The following DPF3 variants were observed in gnomAD, a reference collection of about 807,000 sequenced individuals.
The protein encoded by DPF3 is double PHD fingers 3.
Under a neutral mutation model 56.8 loss-of-function variants are expected in DPF3, and 18 were observed. The observed-to-expected ratio is 0.32, with a 90% CI of 0.22 to 0.47. The LOEUF (loss-of-function observed/expected upper bound fraction) is 0.47, where lower values mean the gene tolerates loss of function less well. Among genes scored for constraint, DPF3 ranks in the 20% least tolerant of loss-of-function variants. The probability of loss-of-function intolerance (pLI) is 1.00; values close to 1 mark genes in which losing one functional copy is unlikely to be tolerated. For synonymous variants in DPF3, 188 were observed against 180.2 expected, an observed-to-expected ratio of 1.04 and a Z score of -0.35; for missense variants, 403 against 488.8, an observed-to-expected ratio of 0.82 and a Z score of 1.65.
chr14:72,855,051 A>G (rs2140089186), intron 1 of DPF3, among the ~76,000 whole-genome samples: 1 of 152,336 alleles, frequency 6.6e-6, no homozygotes, highest in South Asian at 2.1e-4. Context: ...ATAGGACTTG[A>G]AAGAAAGAAT....
intron 1 of DPF3, among the ~76,000 whole-genome samples, chr14:72,819,654 G>T (rs1883443447): frequency 6.6e-6 from 1 of 152,158 alleles, no homozygotes; most frequent in Admixed American, 6.5e-5. Flanking sequence ...AGTAGATAGT[G>T]GTCAGGCATG....
At chr14:72,661,204 G>A in intron 8 of DPF3, 1 of 985,046 alleles carries the variant, frequency 1.0e-6, no homozygotes, top group Non-Finnish European at 1.2e-6. Context: ...TTTTGACAAG[G>A]GACATTTTCT....
chr14:72,730,570 A>G (rs1462165150), intron 4 of DPF3, among the ~76,000 whole-genome samples: 1 of 152,126 alleles, frequency 6.6e-6, no homozygotes, highest in Non-Finnish European at 1.5e-5. Flanking sequence ...GGCCCTGGCT[A>G]TCGATGGAAC....
chr14:72,839,060 A>G (rs1297029444), intron 1 of DPF3, among the ~76,000 whole-genome samples: 1 of 151,080 alleles, frequency 6.6e-6, no homozygotes, highest in East Asian at 2.0e-4. Flanking sequence ...AGCTGGGATT[A>G]CAGGAGCACG....
chr14:72,720,238 A>T (rs1889109399), intron 5 of DPF3, among the ~76,000 whole-genome samples: 1 of 152,158 alleles, frequency 6.6e-6, no homozygotes, highest in South Asian at 2.1e-4. Context: ...CATGCCTGTA[A>T]TCCCAGCACT....
chr14:72,789,262 CACA>C (rs1892332349), intron 1 of DPF3, among the ~76,000 whole-genome samples: 2 of 152,138 alleles, frequency 1.3e-5, no homozygotes, highest in African/African-American at 4.8e-5. Context: ...ATTTCATCTC[CACA>C]ACAACCCTAT....
chr14:72,667,463 TGA>T (rs1343040888), intron 8 of DPF3, among the ~76,000 whole-genome samples: 2 of 152,232 alleles, frequency 1.3e-5, no homozygotes, highest in East Asian at 3.9e-4. Context: ...GGTACTTTAC[TGA>T]GCTGAGGGCA....
At chr14:72,622,270 A>G (rs541407586) in intron 9 of DPF3, among the ~76,000 whole-genome samples, 2 of 152,344 alleles carry the variant, frequency 1.3e-5, no homozygotes, top group South Asian at 4.1e-4. Context: ...GAAGAAGTAC[A>G]CTTGGGGTAC....
chr14:72,795,289 AAAAAAAAT>A (rs1567235179), intron 1 of DPF3, among the ~76,000 whole-genome samples: 3 of 119,296 alleles, frequency 2.5e-5, no homozygotes, highest in Admixed American at 8.4e-5. Context: ...AAAAAAAAAA[AAAAAAAAT>A]ATATATATAT....
rs570614668 is a variant in DPF3, at chr14:72,891,516, C to T, written c.32+2541G>A. 4.6e-5 allele frequency among the ~76,000 whole-genome samples: 7 copies of T among 152,066 alleles called. No homozygotes were observed. The South Asian group carries it at 1.5e-3, about 32-fold the overall frequency. On this transcript the variant is annotated intron_variant, in intron 1 of 10. Transcript: ENST00000556509. ...CTCTGCACTTTGTTCTAATTTATCC[C>T]ATGCATAATTTATTCACGTGTGTAT...
At chr14:72,893,018 AGGAAGGAT>A (rs1227379791) in intron 1 of DPF3, among the ~76,000 whole-genome samples, 24 of 116,606 alleles carry the variant, frequency 2.1e-4, no homozygotes, top group East Asian at 2.8e-4. Context: ...GAAGGAAGGA[AGGAAGGAT>A]GAAAAGGAGG....
chr14:72,763,663 C>A (rs1223715083), intron 2 of DPF3, among the ~76,000 whole-genome samples: 1 of 152,016 alleles, frequency 6.6e-6, no homozygotes, highest in Admixed American at 6.6e-5. Flanking sequence ...GAAACCCTGA[C>A]CTTGCATTAG....
chr14:72,836,408 C>T (rs1884296561), intron 1 of DPF3: 2 of 985,436 alleles, frequency 2.0e-6, no homozygotes, highest in Non-Finnish European at 2.4e-6. Context: ...TGGCCTACTC[C>T]AGCCACTGGA....
intron 8 of DPF3, 110 bp downstream of exon 8, chr14:72,674,130 T>C: frequency 1.4e-6 from 2 of 1,409,982 alleles, no homozygotes; most frequent in Non-Finnish European, 1.9e-6. Context: ...CTCGAAAGCA[T>C]TGCCACCATC....
chr14:72,663,418 G>A (rs894562818), intron 8 of DPF3, among the ~76,000 whole-genome samples: 20 of 151,894 alleles, frequency 1.3e-4, no homozygotes, highest in Non-Finnish European at 2.5e-4. Context: ...TGCCCCAAGT[G>A]ATTCAAGTGT....
At position 72,612,993 on chromosome 14, in the gene DPF3, C is replaced by CGTGT. The variant is rs59321921; in HGVS notation, c.*6300_*6303dup. Among the ~76,000 whole-genome samples, 15,615 of 148,730 alleles carry CGTGT rather than the reference C, an allele frequency of 0.1. 926 individuals are homozygous for CGTGT. The highest frequency in any genetic ancestry group is 0.16 in the African/African-American group (6,357 of 40,416). On this transcript the variant is annotated 3_prime_UTR_variant, in exon 11 of 11. Transcript: ENST00000556509. ...TTTCCCTTTGGTTCATTAAGTAGGGCGTGTGTGTGTGTGTGTGTGTGTGTG... is the reference window on the plus strand; with the variant it reads ...TTTCCCTTTGGTTCATTAAGTAGGGCGTGTGTGTGTGTGTGTGTGTGTGTGTGTG...
At chr14:72,805,572 G>A (rs543617509) in intron 1 of DPF3, among the ~76,000 whole-genome samples, 14 of 146,654 alleles carry the variant, frequency 9.5e-5, no homozygotes, top group East Asian at 4.3e-4. Context: ...ATGGCCAGGC[G>A]CGGTGGCTCA....
At chr14:72,727,732 G>A (rs1001683980) in intron 4 of DPF3, among the ~76,000 whole-genome samples, 2 of 152,154 alleles carry the variant, frequency 1.3e-5, no homozygotes, top group African/African-American at 4.8e-5. Flanking sequence ...TGAGTAGAGA[G>A]GATAGGTATC....
intron 3 of DPF3, 23 bp from the exon 4 acceptor site, chr14:72,731,957 C>T (rs777857157): frequency 3.2e-6 from 5 of 1,561,374 alleles, no homozygotes; most frequent in Non-Finnish European, 8.7e-7. Flanking sequence ...GATAGAAAGG[C>T]AGGTCAGGCC....
Sources: gnomAD v4.1 joint callset for allele counts (sites outside exome capture counted in the v4.1 genomes callset) on GRCh38, gnomAD v4.1.1 for gene constraint, MANE v1.5 for transcripts, NCBI Gene and HGNC (gene_info 2026-07-23, HGNC 2026-07-21) for gene names.